TNS3: variants seen among roughly 807,000 people sequenced by gnomAD.
TNS3 encodes the protein tensin-3.
A neutral mutation model predicts 140.9 loss-of-function variants in TNS3; 45 were observed. The observed-to-expected ratio is 0.32, with a 90% confidence interval of 0.25 to 0.41. The LOEUF is 0.41. Ranked by LOEUF, TNS3 falls within the 10% of genes least tolerant of loss-of-function variation. TNS3 has a pLI of 1.00. For synonymous variants in TNS3, 815 were observed against 788.4 expected, an observed-to-expected ratio of 1.03 and a Z score of -0.56; for missense variants, 1,716 against 1,906.7, an observed-to-expected ratio of 0.90 and a Z score of 1.86.
At chr7:47,288,651 G>C (rs1370466066) in intron 27 of TNS3, among the ~76,000 whole-genome samples, 2 of 152,126 alleles carry the variant, frequency 1.3e-5, no homozygotes, top group Non-Finnish European at 2.9e-5. Flanking sequence ...ACCATGATGG[G>C]CTCCAGGGAC....
chr7:47,453,029 C>A (rs1584694078), intron 4 of TNS3: 4 of 985,570 alleles, frequency 4.1e-6, no homozygotes, highest in African/African-American at 1.7e-5. Context: ...TTTAGTCAAG[C>A]ACACCCCTCT....
At position 47,567,403 on chromosome 7, in the gene TNS3, G is replaced by A. The variant is rs113236344; in HGVS notation, c.-265+14648C>T. Among the ~76,000 whole-genome samples, 3 of 152,278 alleles carry A rather than the reference G, an allele frequency of 2.0e-5. 1 individual carries two copies. Among genetic ancestry groups the A allele is most frequent in the African/African-American group, 7.2e-5 (3 of 41,562 alleles). On this transcript the variant is annotated intron_variant, in intron 1 of 30. Coordinates refer to ENST00000311160, the MANE Select transcript of TNS3 (RefSeq NM_022748.12). ...CATTCACAATCACTTTAAGACGTGA[G>A]GCCAGGCACAGTGGCTCACACCTGT...
intron 1 of TNS3, among the ~76,000 whole-genome samples, chr7:47,569,592 G>A (rs1051774330): frequency 2.6e-5 from 4 of 151,728 alleles, no homozygotes; most frequent in Admixed American, 1.3e-4. Flanking sequence ...GGTGGCTCAC[G>A]TCTGTAATCC....
chr7:47,378,332 G>A (rs1791530673), intron 16 of TNS3, among the ~76,000 whole-genome samples: 1 of 152,134 alleles, frequency 6.6e-6, no homozygotes, highest in African/African-American at 2.4e-5. Flanking sequence ...CTCCCGTCTC[G>A]AGAATTACAC....
intron 20 of TNS3, among the ~76,000 whole-genome samples, chr7:47,341,951 G>A (rs1192779527): frequency 1.3e-5 from 2 of 151,710 alleles, no homozygotes; most frequent in East Asian, 1.9e-4. Context: ...GATTTCCCTC[G>A]AGACCTCTTC....
intron 15 of TNS3, 69 bp downstream of exon 15, chr7:47,400,324 C>T (rs1584570318): frequency 7.8e-7 from 1 of 1,278,510 alleles, no homozygotes. Context: ...ACTACAGCCC[C>T]AGCGTAGCCA....
At chr7:47,336,597 C>T (rs1227763734) in intron 20 of TNS3, among the ~76,000 whole-genome samples, 4 of 152,066 alleles carry the variant, frequency 2.6e-5, no homozygotes, top group Non-Finnish European at 4.4e-5. Flanking sequence ...AGAAGCTGGC[C>T]CCAGCTGGCT....
At chr7:47,421,812 C>T (rs834600) in intron 10 of TNS3, among the ~76,000 whole-genome samples, 149,239 of 152,338 alleles carry the variant, frequency 0.98, 73,163 homozygotes, top group East Asian at 1. Flanking sequence ...CATGGCGTTT[C>T]AGTGTAACAA....
chr7:47,566,086 C>A (rs1253240726), intron 1 of TNS3, among the ~76,000 whole-genome samples: 5 of 152,196 alleles, frequency 3.3e-5, no homozygotes, highest in African/African-American at 1.2e-4. Context: ...GAGCCGCAAC[C>A]CAAAGTGTCT....
intron 15 of TNS3, among the ~76,000 whole-genome samples, chr7:47,398,701 C>G (rs997755045): frequency 6.6e-6 from 1 of 152,090 alleles, no homozygotes. Context: ...GTATGACAAA[C>G]CCATAGCCAA....
At chr7:47,327,549 T>G (rs936148023) in intron 20 of TNS3, among the ~76,000 whole-genome samples, 2 of 152,164 alleles carry the variant, frequency 1.3e-5, no homozygotes. Flanking sequence ...TTTATCAGTT[T>G]CAGTAAAGGA....
intron 20 of TNS3, among the ~76,000 whole-genome samples, chr7:47,337,269 A>C (rs559340601): frequency 6.6e-6 from 1 of 152,260 alleles, no homozygotes; most frequent in East Asian, 1.9e-4. Flanking sequence ...TCCTGAATAA[A>C]ATCTGTCCTT....
At position 47,364,937 on chromosome 7, in the gene TNS3, T is replaced by C. The variant is rs142387051; in HGVS notation, c.2281+3428A>G. ...TATACCTAATCTTCTGACATCTTTT[T>C]AGTTCTGAAGCTATGAAAAAAATGG... On this transcript the variant is annotated intron_variant, in intron 17 of 30. Transcript: ENST00000311160. Among the ~76,000 whole-genome samples the C allele has an allele frequency of 3.5e-4, 54 of 152,334 alleles. No individual in the cohort carries two copies. The East Asian group carries it at 8.7e-3, about 24-fold the overall frequency.
At chr7:47,339,056 T>C (rs1410397087) in intron 20 of TNS3, among the ~76,000 whole-genome samples, 2 of 152,218 alleles carry the variant, frequency 1.3e-5, no homozygotes, top group African/African-American at 4.8e-5. Flanking sequence ...GTGAATTGTT[T>C]GTTCTTTACT....
intron 20 of TNS3, among the ~76,000 whole-genome samples, chr7:47,323,169 T>C (rs1424308597): frequency 1.3e-5 from 2 of 152,234 alleles, no homozygotes; most frequent in East Asian, 3.9e-4. Context: ...AATCTGTGCA[T>C]ACCTTTTCAC....
intron 20 of TNS3, among the ~76,000 whole-genome samples, chr7:47,344,498 G>T (rs1165197520): frequency 6.6e-6 from 1 of 152,148 alleles, no homozygotes; most frequent in Non-Finnish European, 1.5e-5. Flanking sequence ...ACCACTGATG[G>T]TCCCATCAAC....
Position 47,528,918 on chromosome 7 carries a change from C to T in TNS3, c.-153+118G>A, listed in dbSNP as rs553989345. 228 of 516,538 alleles carry T rather than the reference C, an allele frequency of 4.4e-4. 3 individuals are homozygous for T. The South Asian group carries it at 4.8e-3, about 11-fold the overall frequency. The allele number at this position is 516,538 out of a possible 1,614,324, so 32.0% of individuals were successfully genotyped here. Reference sequence around the variant, plus strand: ...GGTAGGGGGTTGGGGGACATATAAACTAAGAAGGGGAATTCCATGATTTAA... The same window carrying T: ...GGTAGGGGGTTGGGGGACATATAAATTAAGAAGGGGAATTCCATGATTTAA... On this transcript the variant is annotated intron_variant, in intron 2 of 30. Coordinates refer to ENST00000311160, the MANE Select transcript of TNS3 (RefSeq NM_022748.12).
In TNS3 at chr7:47,389,086, G is replaced by GAAGCAGAA. The variant is rs1290389805; in HGVS notation, c.1024+7713_1024+7714insTTCTGCTT. Among the ~76,000 whole-genome samples, 3 of 52,368 alleles carry GAAGCAGAA rather than the reference G, an allele frequency of 5.7e-5. 1 individual carries two copies. The highest frequency in any genetic ancestry group is 4.6e-4 in the African/African-American group (3 of 6,546). The allele number at this position is 52,368 out of a possible 152,430, so 34.4% of individuals were successfully genotyped here. A position where few individuals can be genotyped will look rare whatever the true frequency, so the allele number is the denominator to read the frequency against. On this transcript the variant is annotated intron_variant, in intron 16 of 30. Coordinates refer to ENST00000311160, the MANE Select transcript of TNS3 (RefSeq NM_022748.12). ...AAGAAGAAGAAGAAGAAGAAGAAGA[G>GAAGCAGAA]GAAGAGGAAGAGGAAGCGGAAGCAG... is the stretch of plus-strand genomic sequence containing the variant.
At chr7:47,495,140 G>C (rs1442764498) in intron 3 of TNS3, among the ~76,000 whole-genome samples, 3 of 146,088 alleles carry the variant, frequency 2.1e-5, no homozygotes, top group African/African-American at 7.6e-5. Context: ...GCAGTGAGCC[G>C]AGATTGCGCC....
Sources: allele counts gnomAD v4.1 joint callset (sites outside exome capture counted in the v4.1 genomes callset), GRCh38; gene constraint gnomAD v4.1.1; transcripts MANE v1.5; gene names NCBI Gene and HGNC (gene_info 2026-07-23, HGNC 2026-07-21).